Variants in METTL15 observed in about 807,000 individuals in gnomAD.
METTL15 encodes 12S rRNA N(4)-cytidine methyltransferase METTL15.
Under a neutral mutation model 38.3 loss-of-function variants are expected in METTL15, and 34 were observed. That is an observed-to-expected ratio of 0.89 (90% confidence interval 0.68 to 1.18). The LOEUF (loss-of-function observed/expected upper bound fraction) is 1.18. Among genes scored for constraint, METTL15 ranks in the 50% most tolerant of loss-of-function variants. The pLI is 0.00. For synonymous variants in METTL15, 162 were observed against 170.9 expected (o/e 0.95, Z 0.41); for missense variants, 438 against 498.4 (o/e 0.88, Z 1.15).
chr11:28,475,665 C>T (rs530021426), intron 6 of METTL15, among the ~76,000 whole-genome samples: 4 of 152,288 alleles, frequency 2.6e-5, no homozygotes, highest in Admixed American at 1.3e-4. Context: ...CTTTTAGGCT[C>T]CCAAGGTTGC....
At chr11:28,440,872 A>T (rs990329409) in intron 6 of METTL15, among the ~76,000 whole-genome samples, 4 of 152,186 alleles carry the variant, frequency 2.6e-5, no homozygotes, top group African/African-American at 9.7e-5. Flanking sequence ...TGCCATCAAG[A>T]ATTGCACTGT....
chr11:28,342,391 T>C (rs1175375671), intron 3 of METTL15, among the ~76,000 whole-genome samples: 2 of 151,904 alleles, frequency 1.3e-5, no homozygotes, highest in African/African-American at 2.4e-5. Context: ...GCCTCCCGAG[T>C]AGCTGGGACC....
intron 4 of METTL15, among the ~76,000 whole-genome samples, chr11:28,264,002 A>C (rs754253738): frequency 6.6e-6 from 1 of 152,108 alleles, no homozygotes; most frequent in Non-Finnish European, 1.5e-5. Flanking sequence ...GTAGCATTTA[A>C]CTTTGTACAC....
chr11:28,385,374 C>A (rs1850429421), intron 5 of METTL15, among the ~76,000 whole-genome samples: 2 of 152,104 alleles, frequency 1.3e-5, no homozygotes, highest in Non-Finnish European at 2.9e-5. Context: ...AGCTAGTTAT[C>A]CCAGCACAAT....
chr11:28,142,506 T>A (rs1849734271), intron 3 of METTL15, among the ~76,000 whole-genome samples: 1 of 152,204 alleles, frequency 6.6e-6, no homozygotes, highest in African/African-American at 2.4e-5. Flanking sequence ...ACTTTTTGAT[T>A]TGGTGATAGG....
intron 6 of METTL15, among the ~76,000 whole-genome samples, chr11:28,474,103 C>G (rs1275515910): frequency 1.3e-5 from 2 of 151,724 alleles, no homozygotes; most frequent in Admixed American, 1.3e-4. Context: ...CACACAAATA[C>G]ACATGTATAT....
intron 5 of METTL15, among the ~76,000 whole-genome samples, chr11:28,422,561 T>G (rs1052296637): frequency 2.0e-5 from 3 of 151,992 alleles, no homozygotes; most frequent in Non-Finnish European, 2.9e-5. Flanking sequence ...AGTGAACTGA[T>G]TTTCCACAAA....
intron 6 of METTL15, among the ~76,000 whole-genome samples, chr11:28,321,244 A>G (rs780075464): frequency 6.6e-5 from 10 of 152,218 alleles, no homozygotes; most frequent in South Asian, 2.1e-4. Context: ...GATTTTCACA[A>G]TAATCCTGTG....
At chr11:28,197,066 G>GT (rs972227418) in intron 3 of METTL15, among the ~76,000 whole-genome samples, 64 of 151,206 alleles carry the variant, frequency 4.2e-4, no homozygotes, top group Middle Eastern at 3.4e-3. Context: ...CTGTTAAGCT[G>GT]TTTTTTTTCA....
chr11:28,221,597 G>C (rs975069844), intron 4 of METTL15, among the ~76,000 whole-genome samples: 3 of 152,110 alleles, frequency 2.0e-5, no homozygotes, highest in African/African-American at 7.2e-5. Flanking sequence ...TGGTGGTGAG[G>C]AGCTGTGTTC....
chr11:28,445,306 T>C (rs992456535), intron 6 of METTL15, among the ~76,000 whole-genome samples: 1 of 152,194 alleles, frequency 6.6e-6, no homozygotes, highest in African/African-American at 2.4e-5. Flanking sequence ...TAACCAGTTT[T>C]AAACATTTTG....
At chr11:28,254,717 G>A (rs775823819) in intron 4 of METTL15, among the ~76,000 whole-genome samples, 10 of 152,004 alleles carry the variant, frequency 6.6e-5, no homozygotes, top group Non-Finnish European at 8.8e-5. Context: ...GTTTTCTAGC[G>A]CCATTTATTG....
intron 5 of METTL15, among the ~76,000 whole-genome samples, chr11:28,369,423 A>T (rs1194088050): frequency 6.6e-6 from 1 of 152,080 alleles, no homozygotes; most frequent in African/African-American, 2.4e-5. Context: ...TCAAATATAT[A>T]TATATACATC....
At position 28,478,936 on chromosome 11, in the gene METTL15, C is replaced by A. The variant is rs2133470984; in HGVS notation, c.*425-47542C>A. Among the ~76,000 whole-genome samples, 2 of 152,120 alleles carry A rather than the reference C, an allele frequency of 1.3e-5. 1 individual carries two copies. Among genetic ancestry groups the A allele is most frequent in the Middle Eastern group, 6.8e-3 (2 of 294 alleles). On this transcript the variant is annotated intron_variant and NMD_transcript_variant, in intron 6 of 7. Transcript: ENST00000532947. Reference sequence around the variant, plus strand: ...ACATGGCACCTGCCAAGGGAGGCCCCATGGTTAAGGTGCAGATTGATGTGA... The same window carrying A: ...ACATGGCACCTGCCAAGGGAGGCCCAATGGTTAAGGTGCAGATTGATGTGA...
chr11:28,170,117 T>A (rs1850803416), intron 3 of METTL15, among the ~76,000 whole-genome samples: 1 of 152,118 alleles, frequency 6.6e-6, no homozygotes, highest in Non-Finnish European at 1.5e-5. Flanking sequence ...CTTCTGCTGA[T>A]CAGATTTTCC....
chr11:28,304,452 C>T (rs1401180557), intron 6 of METTL15, among the ~76,000 whole-genome samples: 1 of 152,136 alleles, frequency 6.6e-6, no homozygotes, highest in Non-Finnish European at 1.5e-5. Flanking sequence ...GGCGCAGTGG[C>T]TCACTCTATA....
intron 4 of METTL15, among the ~76,000 whole-genome samples, chr11:28,264,781 C>A (rs904433081): frequency 1.3e-5 from 2 of 152,076 alleles, no homozygotes; most frequent in Non-Finnish European, 2.9e-5. Context: ...TGAGCTTGGA[C>A]AAATTACCAT....
At chr11:28,417,917 T>TAC (rs1850787159) in intron 5 of METTL15, among the ~76,000 whole-genome samples, 1 of 152,150 alleles carries the variant, frequency 6.6e-6, no homozygotes, top group African/African-American at 2.4e-5. Flanking sequence ...AAAATATATA[T>TAC]ATACTTCCCT....
chr11:28,380,075 T>G (rs72878359), intron 5 of METTL15, among the ~76,000 whole-genome samples: 2,916 of 152,226 alleles, frequency 0.019, 54 homozygotes, highest in Non-Finnish European at 0.028. Flanking sequence ...CCACTCTTCA[T>G]TTTTAGTCTA....
Sources: allele counts gnomAD v4.1 joint callset (sites outside exome capture counted in the v4.1 genomes callset), GRCh38; gene constraint gnomAD v4.1.1; transcripts MANE v1.5; gene names NCBI Gene and HGNC (gene_info 2026-07-23, HGNC 2026-07-21).